ADGRL3: variants seen among roughly 807,000 people sequenced by gnomAD.
ADGRL3 encodes the protein adhesion G protein-coupled receptor L3.
ADGRL3 carries 62 observed loss-of-function variants against 153.5 expected under a neutral mutation model. That is an observed-to-expected ratio of 0.40 (90% CI 0.33 to 0.50). The LOEUF (loss-of-function observed/expected upper bound fraction) is 0.50. Among genes scored for constraint, ADGRL3 ranks in the 20% least tolerant of loss-of-function variants. ADGRL3 has a pLI of 0.47. For missense variants in ADGRL3, 1,641 were observed against 1,859.4 expected (o/e 0.88, Z 2.16); for synonymous variants, 710 against 672.5 (o/e 1.06, Z -0.86).
At chr4:61,359,534 T>G (rs1392673906) in intron 1 of ADGRL3, among the ~76,000 whole-genome samples, 1 of 152,194 alleles carries the variant, frequency 6.6e-6, no homozygotes, top group Non-Finnish European at 1.5e-5. Context: ...TTGCACTTGT[T>G]TCCTCTGCCA....
intron 1 of ADGRL3, among the ~76,000 whole-genome samples, chr4:61,369,070 C>T (rs1289854695): frequency 6.6e-6 from 1 of 152,126 alleles, no homozygotes; most frequent in African/African-American, 2.4e-5. Context: ...GATTTGTGCA[C>T]ATTGATTTTG....
At chr4:61,263,387 G>C (rs749614482) in intron 1 of ADGRL3, among the ~76,000 whole-genome samples, 1 of 150,980 alleles carries the variant, frequency 6.6e-6, no homozygotes, top group Non-Finnish European at 1.5e-5. Flanking sequence ...CTGGTAACTG[G>C]GGTTTAACCC....
chr4:61,379,849 G>T (rs1184932136), intron 1 of ADGRL3, among the ~76,000 whole-genome samples: 1 of 151,910 alleles, frequency 6.6e-6, no homozygotes, highest in Non-Finnish European at 1.5e-5. Flanking sequence ...TATTGATTTT[G>T]GGAAGTTTAT....
chr4:61,455,395 T>C (rs1426707097), intron 2 of ADGRL3, among the ~76,000 whole-genome samples: 4 of 152,116 alleles, frequency 2.6e-5, no homozygotes, highest in African/African-American at 9.7e-5. Flanking sequence ...AAAAAGTAAA[T>C]ATATGATGAG....
intron 8 of ADGRL3, among the ~76,000 whole-genome samples, chr4:61,761,137 C>T (rs1414601075): frequency 6.6e-6 from 1 of 152,206 alleles, no homozygotes; most frequent in Admixed American, 6.5e-5. Context: ...ACATCTCAAA[C>T]ACTGATCTTA....
intron 2 of ADGRL3, among the ~76,000 whole-genome samples, chr4:61,472,309 A>G (rs1016851412): frequency 2.6e-5 from 4 of 152,108 alleles, no homozygotes; most frequent in East Asian, 1.9e-4. Context: ...TATATTTTCT[A>G]TGGGTCACAA....
intron 8 of ADGRL3, among the ~76,000 whole-genome samples, chr4:61,801,184 G>A (rs996109768): frequency 2.6e-5 from 4 of 152,070 alleles, no homozygotes; most frequent in African/African-American, 4.8e-5. Context: ...TAGAAATAAG[G>A]TTAGTGATTG....
At chr4:61,622,222 T>C (rs1351978163) in intron 5 of ADGRL3, among the ~76,000 whole-genome samples, 1 of 152,154 alleles carries the variant, frequency 6.6e-6, no homozygotes, top group Non-Finnish European at 1.5e-5. Flanking sequence ...TTTAAAATAT[T>C]CTGTAAAGCT....
At chr4:61,447,442 T>A (rs923359335) in intron 2 of ADGRL3, among the ~76,000 whole-genome samples, 3 of 152,200 alleles carry the variant, frequency 2.0e-5, no homozygotes, top group African/African-American at 7.2e-5. Context: ...ACATTTTGGA[T>A]TGGATTTCTT....
chr4:61,332,950 C>T (rs765194090), intron 1 of ADGRL3, among the ~76,000 whole-genome samples: 4 of 151,908 alleles, frequency 2.6e-5, no homozygotes, highest in Non-Finnish European at 5.9e-5. Context: ...AACTTCTCAC[C>T]CTTGTGATAA....
chr4:61,965,055 C>T (rs1283554445), intron 17 of ADGRL3, among the ~76,000 whole-genome samples: 1 of 152,044 alleles, frequency 6.6e-6, no homozygotes, highest in Non-Finnish European at 1.5e-5. Context: ...GGCCGGAGTG[C>T]AGTGGCATGA....
intron 11 of ADGRL3, among the ~76,000 whole-genome samples, chr4:61,903,650 C>CAAAAAAAAAAAAAAAAAAA (rs55879235): frequency 5.5e-5 from 4 of 72,356 alleles, no homozygotes; most frequent in Admixed American, 2.5e-4. Context: ...TGGGAAACAG[C>CAAAAAAAAAAAAAAAAAAA]AAAAAAAAAA....
At chr4:61,312,391 A>G (rs1299472458) in intron 1 of ADGRL3, among the ~76,000 whole-genome samples, 1 of 152,220 alleles carries the variant, frequency 6.6e-6, no homozygotes, top group Non-Finnish European at 1.5e-5. Context: ...ACACAATCAC[A>G]GTCAATCCAT....
chr4:61,660,882 C>T (rs547854081), intron 5 of ADGRL3, among the ~76,000 whole-genome samples: 15 of 152,100 alleles, frequency 9.9e-5, no homozygotes, highest in Middle Eastern at 3.4e-3. Context: ...AAATTAAAAA[C>T]GTTAATTAGA....
intron 1 of ADGRL3, among the ~76,000 whole-genome samples, chr4:61,317,117 AC>A (rs1420280246): frequency 6.6e-6 from 1 of 152,168 alleles, no homozygotes; most frequent in Admixed American, 6.5e-5. Context: ...AAATAAAAGC[AC>A]TGTTGATTTC....
chr4:61,265,157 T>C (rs1318930932), intron 1 of ADGRL3, among the ~76,000 whole-genome samples: 1 of 152,008 alleles, frequency 6.6e-6, no homozygotes, highest in African/African-American at 2.4e-5. Context: ...TGGGCTGATT[T>C]TCGTTAATTG....
At chr4:61,600,063 A>G (rs1216662738) in intron 5 of ADGRL3, among the ~76,000 whole-genome samples, 1 of 152,138 alleles carries the variant, frequency 6.6e-6, no homozygotes, top group Non-Finnish European at 1.5e-5. Flanking sequence ...TAATGCCACC[A>G]CTTTGGGAGG....
intron 1 of ADGRL3, among the ~76,000 whole-genome samples, chr4:61,283,140 A>G (rs1402092325): frequency 1.3e-5 from 2 of 152,130 alleles, no homozygotes; most frequent in Admixed American, 6.6e-5. Context: ...GCTAACTGGC[A>G]GATCACACTT....
chr4:61,921,781 A>G (rs1261176811), intron 13 of ADGRL3, among the ~76,000 whole-genome samples: 2 of 152,182 alleles, frequency 1.3e-5, no homozygotes, highest in Non-Finnish European at 2.9e-5. Context: ...TTCTTTATAA[A>G]TCTTGTCATA....
Sources: allele counts gnomAD v4.1 joint callset (sites outside exome capture counted in the v4.1 genomes callset), GRCh38; gene constraint gnomAD v4.1.1; transcripts MANE v1.5; gene names NCBI Gene and HGNC (gene_info 2026-07-23, HGNC 2026-07-21).